The following IGFL2 variants were observed in gnomAD, a reference collection of about 807,000 sequenced individuals.
IGFL2 encodes IGF like family member 2, also known as insulin growth factor-like family member 2.
Under a neutral mutation model 13.9 loss-of-function variants are expected in IGFL2, and 7 were observed. That is an observed-to-expected ratio of 0.51 (90% CI 0.29 to 0.95). The LOEUF is 0.95. Ranked by LOEUF, IGFL2 falls within the 40% of genes least tolerant of loss-of-function variation. The pLI, the probability that IGFL2 is intolerant of heterozygous loss-of-function variation, is 0.08. For missense variants in IGFL2, 138 were observed against 147.8 expected, an observed-to-expected ratio of 0.93 and a Z score of 0.34; for synonymous variants, 55 against 55.8, an observed-to-expected ratio of 0.99 and a Z score of 0.07.
At chr19:46,095,303 G>A in the IGFL2 span, among the ~76,000 whole-genome samples, 2,322 of 152,146 alleles carry the variant, frequency 0.015, 52 homozygotes, top group African/African-American at 0.051. Context: ...TTTTCCATAT[G>A]TTTGTGTGTC....
chr19:46,086,412 C>T, the IGFL2 span, among the ~76,000 whole-genome samples: 42 of 152,206 alleles, frequency 2.8e-4, no homozygotes, highest in Non-Finnish European at 5.3e-4. Context: ...CAATCTCCTT[C>T]TCCTGTGTTC....
rs895003103 is a variant in IGFL2 at position 46,161,277 on chromosome 19, T to G, written c.*189T>G. On this transcript the variant is annotated 3_prime_UTR_variant, in exon 4 of 4. Transcript: ENST00000377693. ...GATTATCAGGAAATAAATAAAGTGG[T>G]TTTTCCAATGTACACACCTGTACCC... 3 of 584,036 alleles carry G rather than the reference T, an allele frequency of 5.1e-6. No individual in the cohort carries two copies. The highest frequency in any genetic ancestry group is 2.8e-5 in the East Asian group (1 of 35,950). 36.2% of individuals were successfully genotyped at this position (584,036 alleles called of 1,614,324 possible). A position where few individuals can be genotyped will look rare whatever the true frequency, so the allele number is the denominator to read the frequency against.
At chr19:46,089,930 TTAAA>T in the IGFL2 span, among the ~76,000 whole-genome samples, 1 of 152,118 alleles carries the variant, frequency 6.6e-6, no homozygotes, top group Non-Finnish European at 1.5e-5. Flanking sequence ...TATTATTTGT[TTAAA>T]TAAGCTTTCT....
chr19:46,090,192 G>A, the IGFL2 span, among the ~76,000 whole-genome samples: 5,384 of 152,128 alleles, frequency 0.035, 145 homozygotes, highest in East Asian at 0.072. Flanking sequence ...TGGGATTTCT[G>A]TTTGAGTTTT....
chr19:46,090,758 A>G, the IGFL2 span, among the ~76,000 whole-genome samples: 1 of 152,180 alleles, frequency 6.6e-6, no homozygotes, highest in Non-Finnish European at 1.5e-5. Context: ...CAGTGATGCA[A>G]ACTGTGGATT....
Position 46,160,415 on chromosome 19 carries a change from C to A in IGFL2, c.20C>A (p.Ala7Asp). 1 of 1,613,042 alleles carries A rather than the reference C, an allele frequency of 6.2e-7. No homozygotes were observed. The highest frequency in any genetic ancestry group is 1.7e-5 in the Admixed American group (1 of 59,834). MVPRIF[A>D]PAYVSVCLLL... ...TTAACCTCCTTTCTTTCTCTCCCAGCTCCTGCTTATGTGTCAGTCTGTCTC... is the reference window on the plus strand; with the variant it reads ...TTAACCTCCTTTCTTTCTCTCCCAGATCCTGCTTATGTGTCAGTCTGTCTC... Residue 7 changes from alanine to aspartate, a missense_variant and splice_region_variant, in exon 2 of 4, where the codon GCT becomes GAT. Coordinates refer to ENST00000377693, the MANE Select transcript of IGFL2 (RefSeq NM_001135113.2).
At chr19:46,112,548 C>A in the IGFL2 span, among the ~76,000 whole-genome samples, 1 of 152,200 alleles carries the variant, frequency 6.6e-6, no homozygotes, top group African/African-American at 2.4e-5. Flanking sequence ...GAGGCGAAAC[C>A]AGTACAGTCA....
At chr19:46,130,106 A>G in the IGFL2 span, among the ~76,000 whole-genome samples, 9 of 152,248 alleles carry the variant, frequency 5.9e-5, no homozygotes, top group East Asian at 1.5e-3. Flanking sequence ...ACCCTTTACT[A>G]TTACATAATA....
At chr19:46,141,858 A>G (rs1972873562), upstream of IGFL2, among the ~76,000 whole-genome samples, 1 of 152,186 alleles carries the variant, frequency 6.6e-6, no homozygotes, top group African/African-American at 2.4e-5. Flanking sequence ...AATTCACCCT[A>G]AATTATCAAA....
the IGFL2 span, among the ~76,000 whole-genome samples, chr19:46,082,719 G>C: frequency 1.3e-5 from 2 of 152,014 alleles, no homozygotes; most frequent in Non-Finnish European, 2.9e-5. Flanking sequence ...GATCTTCTGG[G>C]CTGAAGTCGT....
upstream of IGFL2, among the ~76,000 whole-genome samples, chr19:46,145,673 T>G (rs1463195467): frequency 6.6e-6 from 1 of 151,340 alleles, no homozygotes; most frequent in African/African-American, 2.4e-5. Flanking sequence ...ATATTTAAAT[T>G]TTGCCAATTC....
chr19:46,083,822 C>T, the IGFL2 span, among the ~76,000 whole-genome samples: 2 of 152,128 alleles, frequency 1.3e-5, no homozygotes, highest in African/African-American at 2.4e-5. Flanking sequence ...GACTTGGCTT[C>T]TGGGGTAGGC....
chr19:46,148,363 C>G, intron 1 of IGFL2, 66 bp downstream of exon 1: 2 of 1,328,762 alleles, frequency 1.5e-6, no homozygotes, highest in South Asian at 1.3e-5. Context: ...CTCTGAACCT[C>G]AAACTTAATT....
At chr19:46,140,572 C>T (rs915666945), upstream of IGFL2, among the ~76,000 whole-genome samples, 1 of 152,182 alleles carries the variant, frequency 6.6e-6, no homozygotes, top group Non-Finnish European at 1.5e-5. Flanking sequence ...GCTTGGAACT[C>T]ATCGCTCCAT....
the IGFL2 span, among the ~76,000 whole-genome samples, chr19:46,098,246 G>A: frequency 1.3e-5 from 2 of 152,180 alleles, no homozygotes; most frequent in South Asian, 2.1e-4. Flanking sequence ...ATCCCTTTAC[G>A]ATTATGTAAT....
chr19:46,160,735 A>G lies in IGFL2; in HGVS notation c.195A>G (p.Gln65=), dbSNP rs1974119177. The G allele has an allele frequency of 2.5e-6, 4 of 1,614,036 alleles. No individual in the cohort carries two copies. Among genetic ancestry groups the G allele is most frequent in the Admixed American group, 1.7e-5 (1 of 60,014 alleles). Residue 65 remains glutamine, a synonymous_variant, in exon 3 of 4, where the codon CAA becomes CAG. Transcript: ENST00000377693. ...TCGTGTCCCTGAGCGAGACCCGCCA[A>G]TGTGGTCCCCCCTGCACCTTCTGGC... The part of the protein sequence containing the change: ...DAIVSLSETR[Q]CGPPCTFWPC...
At chr19:46,078,916 A>G in the IGFL2 span, among the ~76,000 whole-genome samples, 504 of 16,718 alleles carry the variant, frequency 0.03, 7 homozygotes, top group Non-Finnish European at 0.042. Flanking sequence ...AGGCGTCGTC[A>G]GTAGACATCG....
upstream of IGFL2, among the ~76,000 whole-genome samples, chr19:46,145,665 A>G (rs1973099845): frequency 6.9e-6 from 1 of 145,212 alleles, no homozygotes; most frequent in Non-Finnish European, 1.5e-5. Context: ...TAATATATAT[A>G]TTTAAATTTT....
chr19:46,176,425 C>G, the IGFL2 span, among the ~76,000 whole-genome samples: 4 of 152,146 alleles, frequency 2.6e-5, no homozygotes, highest in African/African-American at 4.8e-5. Flanking sequence ...TGGAGATGCT[C>G]TAGGATGCAG....
Sources: gnomAD v4.1 joint callset for allele counts (sites outside exome capture counted in the v4.1 genomes callset) on GRCh38, gnomAD v4.1.1 for gene constraint, MANE v1.5 for transcripts, NCBI Gene and HGNC (gene_info 2026-07-23, HGNC 2026-07-21) for gene names.